KATNAL2: variants seen among roughly 807,000 people sequenced by gnomAD.
The protein encoded by KATNAL2 is katanin catalytic subunit A1 like 2, also known as katanin p60 ATPase-containing subunit A-like 2.
A neutral mutation model predicts 76.3 loss-of-function variants in KATNAL2; 52 were observed. The ratio of observed to expected loss-of-function variants is 0.68; its 90% CI spans 0.55 to 0.86. KATNAL2 has a LOEUF of 0.86. Ranked by LOEUF, KATNAL2 falls within the 40% of genes least tolerant of loss-of-function variation. KATNAL2 has a pLI of 0.00. For missense variants in KATNAL2, 660 were observed against 668.9 expected (o/e 0.99, Z 0.15); for synonymous variants, 243 against 244.2 (o/e 1.00, Z 0.05).
chr18:47,035,354 C>A (rs568483295), intron 3 of KATNAL2: 1 of 1,590,860 alleles, frequency 6.3e-7, no homozygotes, highest in Non-Finnish European at 8.6e-7. Flanking sequence ...GGCCGGTCCT[C>A]GCTGCCCGGT....
At chr18:47,046,675 T>C in intron 4 of KATNAL2, 148 bp downstream of exon 4, 2 of 643,338 alleles carry the variant, frequency 3.1e-6, no homozygotes, top group South Asian at 2.0e-5. Context: ...CAGAGTTCTG[T>C]ATGCCCCTTC....
chr18:46,924,088 C>T (rs1164824434), intron 1 of KATNAL2, among the ~76,000 whole-genome samples: 1 of 152,154 alleles, frequency 6.6e-6, no homozygotes, highest in Admixed American at 6.5e-5. Flanking sequence ...AATTAGATTC[C>T]ATTTGTCAAT....
chr18:47,032,717 T>A, intron 3 of KATNAL2: 1 of 506,400 alleles, frequency 2.0e-6, no homozygotes, highest in African/African-American at 1.9e-5. Flanking sequence ...TATTTATGAT[T>A]ACAACTAGGG....
chr18:47,087,484 G>A (rs933363851), intron 15 of KATNAL2, among the ~76,000 whole-genome samples: 1 of 152,078 alleles, frequency 6.6e-6, no homozygotes, highest in East Asian at 1.9e-4. Context: ...ACTTATAAGT[G>A]AGAGCTAAAC....
At chr18:46,950,847 G>A (rs964994202) in intron 3 of KATNAL2, among the ~76,000 whole-genome samples, 12 of 152,046 alleles carry the variant, frequency 7.9e-5, no homozygotes, top group Admixed American at 1.3e-4. Flanking sequence ...ACCACACCCG[G>A]CTAATTTTGT....
chr18:46,942,652 CTATTA>C (rs1355563770), intron 1 of KATNAL2, among the ~76,000 whole-genome samples: 7 of 152,084 alleles, frequency 4.6e-5, no homozygotes, highest in Non-Finnish European at 2.9e-5. Flanking sequence ...TCATTTTGTT[CTATTA>C]TAATATCTTC....
At chr18:46,961,387 G>A (rs1235578261) in intron 3 of KATNAL2, among the ~76,000 whole-genome samples, 1 of 152,160 alleles carries the variant, frequency 6.6e-6, no homozygotes, top group African/African-American at 2.4e-5. Flanking sequence ...TTCATCATCA[G>A]TTTTTAAGTC....
chr18:47,080,792 T>C (rs762303602), intron 15 of KATNAL2, among the ~76,000 whole-genome samples: 2 of 152,362 alleles, frequency 1.3e-5, no homozygotes, highest in Non-Finnish European at 2.9e-5. Flanking sequence ...AACGATATTG[T>C]GCATCTTTTC....
At chr18:46,927,664 A>G (rs1413190402) in intron 1 of KATNAL2, among the ~76,000 whole-genome samples, 1 of 152,110 alleles carries the variant, frequency 6.6e-6, no homozygotes, top group Non-Finnish European at 1.5e-5. Flanking sequence ...CTCCTGGATA[A>G]TATCCTGCAG....
chr18:46,948,244 G>A (rs1487905181), intron 3 of KATNAL2, among the ~76,000 whole-genome samples: 1 of 151,832 alleles, frequency 6.6e-6, no homozygotes, highest in Non-Finnish European at 1.5e-5. Flanking sequence ...CCGAGTAGCT[G>A]GGACTGCAGT....
chr18:47,070,321 G>A (rs1046536525), intron 13 of KATNAL2, among the ~76,000 whole-genome samples: 7 of 151,946 alleles, frequency 4.6e-5, no homozygotes, highest in Non-Finnish European at 7.4e-5. Context: ...GGATGGTCTC[G>A]AACTCCTGAT....
At chr18:47,070,940 A>C (rs1223538749) in intron 13 of KATNAL2, among the ~76,000 whole-genome samples, 1 of 152,172 alleles carries the variant, frequency 6.6e-6, no homozygotes, top group Non-Finnish European at 1.5e-5. Context: ...AGCTGCACCT[A>C]CAGTTATGGT....
chr18:46,924,992 T>C (rs941916096), intron 1 of KATNAL2, among the ~76,000 whole-genome samples: 9 of 152,182 alleles, frequency 5.9e-5, no homozygotes, highest in Non-Finnish European at 1.3e-4. Flanking sequence ...GCTGAGATGA[T>C]GGGGTTTTCT....
chr18:47,073,662 T>C (rs1420669406), intron 13 of KATNAL2, among the ~76,000 whole-genome samples: 1 of 152,242 alleles, frequency 6.6e-6, no homozygotes, highest in Non-Finnish European at 1.5e-5. Context: ...CCCCTACTAA[T>C]GTCTGTGCCT....
intron 1 of KATNAL2, among the ~76,000 whole-genome samples, chr18:46,931,682 A>G (rs1011175679): frequency 1.3e-5 from 2 of 150,202 alleles, no homozygotes; most frequent in African/African-American, 5.0e-5. Flanking sequence ...GAGAGAAAGA[A>G]AGAAAGAGGA....
chr18:46,932,178 TG>T (rs2058946588), intron 1 of KATNAL2, among the ~76,000 whole-genome samples: 1 of 152,172 alleles, frequency 6.6e-6, no homozygotes, highest in Non-Finnish European at 1.5e-5. Flanking sequence ...CCCAAAGTGC[TG>T]GGATTACAGG....
In KATNAL2 at chr18:46,931,132, AT is replaced by A. The variant is rs1282860567; in HGVS notation, c.-510+13207del. Among the ~76,000 whole-genome samples the A allele has an allele frequency of 1.4e-4, 20 of 139,566 alleles. 1 individual carries two copies. The highest frequency in any genetic ancestry group is 4.1e-4 in the East Asian group (2 of 4,916). The allele number at this position is 139,566 out of a possible 152,430, so 91.6% of individuals were successfully genotyped here. A position where few individuals can be genotyped will look rare whatever the true frequency, so the allele number is the denominator to read the frequency against. ...AATAATAATAATAATAATAATAATA[AT>A]AATAATAAATAAATAAATTAGCCAG... On this transcript the variant is annotated intron_variant, in intron 1 of 17. Coordinates refer to ENST00000683218, the MANE Select transcript of KATNAL2 (RefSeq NM_001387690.1).
At chr18:46,937,649 G>C (rs1393800992) in intron 1 of KATNAL2, among the ~76,000 whole-genome samples, 1 of 152,064 alleles carries the variant, frequency 6.6e-6, no homozygotes, top group East Asian at 1.9e-4. Flanking sequence ...ACCTGAAAAA[G>C]TTTAGGAAGC....
intron 12 of KATNAL2, 86 bp from the exon 13 acceptor site, chr18:47,069,396 C>A: frequency 7.3e-7 from 1 of 1,376,982 alleles, no homozygotes; most frequent in Non-Finnish European, 1.0e-6. Flanking sequence ...CAGTCACTTC[C>A]TTCCTTGTGT....
Sources: gnomAD v4.1 joint callset for allele counts (sites outside exome capture counted in the v4.1 genomes callset) on GRCh38, gnomAD v4.1.1 for gene constraint, MANE v1.5 for transcripts, NCBI Gene and HGNC (gene_info 2026-07-23, HGNC 2026-07-21) for gene names.